The following ADGRB3 variants were observed in gnomAD, a reference collection of about 807,000 sequenced individuals.
The protein encoded by ADGRB3 is brain-specific angiogenesis inhibitor 3.
ADGRB3 carries 37 observed loss-of-function variants against 193.4 expected under a neutral mutation model. The ratio of observed to expected loss-of-function variants is 0.19; its 90% CI spans 0.15 to 0.25. ADGRB3 has a LOEUF of 0.25. Among genes scored for constraint, ADGRB3 ranks in the 10% least tolerant of loss-of-function variants. The probability of loss-of-function intolerance (pLI) is 1.00; values close to 1 mark genes in which losing one functional copy is unlikely to be tolerated. For missense variants in ADGRB3, 1,637 were observed against 1,852.9 expected, an observed-to-expected ratio of 0.88 and a Z score of 2.14; for synonymous variants, 690 against 644.2, an observed-to-expected ratio of 1.07 and a Z score of -1.08.
At chr6:69,119,707 G>A (rs542229134) in intron 17 of ADGRB3, among the ~76,000 whole-genome samples, 1 of 152,334 alleles carries the variant, frequency 6.6e-6, no homozygotes, top group Non-Finnish European at 1.5e-5. Context: ...CTGTATGGCT[G>A]GAGTGCAATG....
rs532628822 is a variant in ADGRB3, at chr6:68,937,866, T to C, written c.1030+1186T>C. On this transcript the variant is annotated intron_variant, in intron 5 of 31. Coordinates refer to ENST00000370598, the MANE Select transcript of ADGRB3 (RefSeq NM_001704.3). ...TGTTTCACAACATTATGAATATAGG[T>C]AATACTACTAAGCTGTACACTAAAA... 1.3e-4 allele frequency among the ~76,000 whole-genome samples: 20 copies of C among 152,242 alleles called. 1 individual carries two copies. The South Asian group carries it at 4.2e-3, about 32-fold the overall frequency.
At chr6:68,921,501 A>G (rs1767042743) in intron 3 of ADGRB3, among the ~76,000 whole-genome samples, 1 of 152,218 alleles carries the variant, frequency 6.6e-6, no homozygotes, top group African/African-American at 2.4e-5. Flanking sequence ...ATATGTCAGG[A>G]TTAAACACTA....
chr6:68,891,604 G>T (rs1217286556), intron 3 of ADGRB3, among the ~76,000 whole-genome samples: 1 of 152,140 alleles, frequency 6.6e-6, no homozygotes, highest in South Asian at 2.1e-4. Context: ...TCAAGCTGGT[G>T]ACTAAGAGAC....
chr6:68,699,731 A>G (rs73461989), intron 3 of ADGRB3, among the ~76,000 whole-genome samples: 2 of 151,776 alleles, frequency 1.3e-5, no homozygotes, highest in African/African-American at 4.8e-5. Flanking sequence ...CACCACCGAG[A>G]GCAGTTCGAC....
chr6:69,324,785 A>G, intron 20 of ADGRB3, 87 bp from the exon 21 acceptor site: 1 of 1,405,744 alleles, frequency 7.1e-7, no homozygotes, highest in Non-Finnish European at 9.7e-7. Flanking sequence ...AAAAGCAATG[A>G]ATCAGAGATT....
chr6:68,661,990 A>C (rs996247177), intron 3 of ADGRB3, among the ~76,000 whole-genome samples: 2 of 151,548 alleles, frequency 1.3e-5, no homozygotes, highest in African/African-American at 4.8e-5. Flanking sequence ...TTTTAAACAA[A>C]GTACCAGAGG....
intron 17 of ADGRB3, among the ~76,000 whole-genome samples, chr6:69,148,958 C>G (rs912363641): frequency 3.3e-5 from 5 of 152,020 alleles, no homozygotes; most frequent in Non-Finnish European, 7.4e-5. Flanking sequence ...TTTTTAGGAT[C>G]CTTTCTTTTT....
At chr6:68,904,538 A>C (rs189600920) in intron 3 of ADGRB3, among the ~76,000 whole-genome samples, 43 of 152,302 alleles carry the variant, frequency 2.8e-4, no homozygotes, top group African/African-American at 9.9e-4. Context: ...GAAACATTAC[A>C]TATGTTTTTA....
intron 20 of ADGRB3, among the ~76,000 whole-genome samples, chr6:69,250,899 G>A (rs1422041575): frequency 6.6e-6 from 1 of 152,106 alleles, no homozygotes; most frequent in African/African-American, 2.4e-5. Flanking sequence ...TATTACACTT[G>A]GAATGAAATC....
intron 17 of ADGRB3, among the ~76,000 whole-genome samples, chr6:69,120,219 G>A (rs1773645015): frequency 6.6e-6 from 1 of 152,174 alleles, no homozygotes; most frequent in African/African-American, 2.4e-5. Flanking sequence ...TTATGAATTT[G>A]TGTACTGCAT....
At chr6:68,924,362 T>C (rs546072361) in intron 3 of ADGRB3, among the ~76,000 whole-genome samples, 6 of 152,116 alleles carry the variant, frequency 3.9e-5, no homozygotes, top group African/African-American at 1.4e-4. Context: ...CCTGGAAACA[T>C]TCTCATAAAA....
chr6:69,362,623 A>C (rs530293257), intron 29 of ADGRB3, among the ~76,000 whole-genome samples: 28 of 151,982 alleles, frequency 1.8e-4, no homozygotes, highest in Non-Finnish European at 2.9e-4. Context: ...TAAGTTCTGG[A>C]TCACCCTCAA....
intron 17 of ADGRB3, among the ~76,000 whole-genome samples, chr6:69,112,234 A>G (rs1182983572): frequency 6.6e-6 from 1 of 152,110 alleles, no homozygotes. Context: ...CTTGGTTTCA[A>G]TTTCTGGATC....
chr6:68,699,357 C>G (rs1453074178), intron 3 of ADGRB3, among the ~76,000 whole-genome samples: 1 of 152,002 alleles, frequency 6.6e-6, no homozygotes, highest in South Asian at 2.1e-4. Context: ...TTTCAGAGAT[C>G]AGTATTTCAA....
Position 68,715,221 on chromosome 6 carries a change from C to T in ADGRB3, c.757+75789C>T, listed in dbSNP as rs6905504. On this transcript the variant is annotated intron_variant, in intron 3 of 31. Transcript: ENST00000370598. ...AATTGCATCAGAGACTTGACTGGAT[C>T]GCTGAGGAGTATAATAGTTTCTATA... Among the ~76,000 whole-genome samples, 293 of 151,260 alleles carry T rather than the reference C, an allele frequency of 1.9e-3. 3 individuals carry two copies. Among genetic ancestry groups the T allele is most frequent in the African/African-American group, 6.9e-3 (283 of 41,310 alleles).
chr6:68,940,364 T>C (rs73480156), intron 5 of ADGRB3, among the ~76,000 whole-genome samples: 1,871 of 151,942 alleles, frequency 0.012, 39 homozygotes, highest in African/African-American at 0.04. Flanking sequence ...ATACCTGGCC[T>C]TTACTCATTA....
intron 17 of ADGRB3, among the ~76,000 whole-genome samples, chr6:69,119,377 C>G (rs989876640): frequency 6.6e-6 from 1 of 151,974 alleles, no homozygotes; most frequent in Non-Finnish European, 1.5e-5. Flanking sequence ...AACAAAGATC[C>G]CCGTTCTCTT....
chr6:68,969,649 C>T (rs554745704), intron 8 of ADGRB3, among the ~76,000 whole-genome samples: 1 of 152,280 alleles, frequency 6.6e-6, no homozygotes, highest in Admixed American at 6.5e-5. Flanking sequence ...CCACTTACTA[C>T]CCAGCTCCTC....
chr6:68,967,934 C>A (rs895697995), intron 8 of ADGRB3, among the ~76,000 whole-genome samples: 1 of 151,988 alleles, frequency 6.6e-6, no homozygotes, highest in African/African-American at 2.4e-5. Flanking sequence ...AAAGAACCTG[C>A]ACACAAGCTC....
Sources: gnomAD v4.1 joint callset for allele counts (sites outside exome capture counted in the v4.1 genomes callset) on GRCh38, gnomAD v4.1.1 for gene constraint, MANE v1.5 for transcripts, NCBI Gene and HGNC (gene_info 2026-07-23, HGNC 2026-07-21) for gene names.